The following CNTN6 variants were observed in gnomAD, a reference collection of about 807,000 sequenced individuals.
CNTN6 encodes contactin 6.
A neutral mutation model predicts 122.8 loss-of-function variants in CNTN6; 137 were observed. That is an observed-to-expected ratio of 1.12 (90% confidence interval 0.97 to 1.29). The LOEUF (loss-of-function observed/expected upper bound fraction) is 1.29, where lower values mean the gene tolerates loss of function less well. Ranked by LOEUF, CNTN6 falls within the 50% of genes most tolerant of loss-of-function variation. The probability of loss-of-function intolerance (pLI) is 0.00; values close to 1 mark genes in which losing one functional copy is unlikely to be tolerated. For missense variants in CNTN6, 1,634 were observed against 1,223.4 expected, an observed-to-expected ratio of 1.34 and a Z score of -5.01; for synonymous variants, 570 against 426.0, an observed-to-expected ratio of 1.34 and a Z score of -4.16.
chr3:1,237,598 T>TTAGG (rs1394555726), intron 4 of CNTN6, among the ~76,000 whole-genome samples: 1 of 152,162 alleles, frequency 6.6e-6, no homozygotes, highest in African/African-American at 2.4e-5. Context: ...CATATAGTCA[T>TTAGG]TAGGTTATCT....
At chr3:1,264,712 A>C (rs2125719931) in intron 4 of CNTN6, among the ~76,000 whole-genome samples, 1 of 152,188 alleles carries the variant, frequency 6.6e-6, no homozygotes, top group East Asian at 1.9e-4. Flanking sequence ...TTTTGTGGTA[A>C]AAACATTTAA....
At chr3:1,287,103 C>G (rs925024939) in intron 5 of CNTN6, among the ~76,000 whole-genome samples, 3 of 152,134 alleles carry the variant, frequency 2.0e-5, no homozygotes, top group African/African-American at 7.2e-5. Flanking sequence ...GAAACTTAGA[C>G]TCCCACACAA....
At chr3:1,392,329 G>T (rs1433046079) in intron 20 of CNTN6, among the ~76,000 whole-genome samples, 3 of 152,120 alleles carry the variant, frequency 2.0e-5, no homozygotes, top group Admixed American at 1.3e-4. Flanking sequence ...TTAATAAATG[G>T]TGCTGGGAAA....
chr3:1,327,880 A>G (rs1419756239), intron 10 of CNTN6, among the ~76,000 whole-genome samples: 1 of 151,814 alleles, frequency 6.6e-6, no homozygotes, highest in Non-Finnish European at 1.5e-5. Context: ...TATCTTTAGG[A>G]ATATTTTCAG....
At chr3:1,101,682 A>T (rs759391877) in intron 1 of CNTN6, among the ~76,000 whole-genome samples, 30 of 152,336 alleles carry the variant, frequency 2.0e-4, no homozygotes, top group Non-Finnish European at 2.4e-4. Context: ...GTTAATGTCA[A>T]TTGTATATGT....
At chr3:1,094,002 G>C (rs1031369098) in intron 1 of CNTN6, among the ~76,000 whole-genome samples, 2 of 152,258 alleles carry the variant, frequency 1.3e-5, no homozygotes, top group African/African-American at 4.8e-5. Context: ...CTAAATAGAA[G>C]TTATACTGAG....
chr3:1,144,223 A>G (rs1297959642), intron 1 of CNTN6, among the ~76,000 whole-genome samples: 2 of 152,280 alleles, frequency 1.3e-5, no homozygotes, highest in Admixed American at 6.5e-5. Context: ...CTTAAGAGAA[A>G]TACATTGAGT....
chr3:1,314,390 C>T (rs951950315), intron 7 of CNTN6, among the ~76,000 whole-genome samples: 2 of 152,060 alleles, frequency 1.3e-5, no homozygotes, highest in African/African-American at 4.8e-5. Flanking sequence ...CAAATACAAG[C>T]ATCTTAAGAA....
chr3:1,314,308 C>T (rs991838012), intron 7 of CNTN6, among the ~76,000 whole-genome samples: 2 of 152,030 alleles, frequency 1.3e-5, no homozygotes, highest in Non-Finnish European at 2.9e-5. Flanking sequence ...TTTTGTTATT[C>T]TGCTTCACTC....
chr3:1,301,178 A>G (rs1190808673), intron 7 of CNTN6, among the ~76,000 whole-genome samples: 1 of 151,866 alleles, frequency 6.6e-6, no homozygotes, highest in Admixed American at 6.6e-5. Context: ...CTGGAATTAC[A>G]GGCACCTGCC....
chr3:1,311,535 C>T (rs2619495), intron 7 of CNTN6, among the ~76,000 whole-genome samples: 9,947 of 88,632 alleles, frequency 0.11, 3,551 homozygotes, highest in African/African-American at 0.63. Context: ...CATATATGTA[C>T]ATATAAATGT....
chr3:1,388,914 GA>G (rs1368879457), intron 20 of CNTN6, among the ~76,000 whole-genome samples: 1 of 138,196 alleles, frequency 7.2e-6, no homozygotes, highest in Non-Finnish European at 1.6e-5. Flanking sequence ...GGGACTATGT[GA>G]AAAGACCAAA....
intron 1 of CNTN6, among the ~76,000 whole-genome samples, chr3:1,120,387 A>G (rs1559349644): frequency 6.6e-6 from 1 of 151,830 alleles, no homozygotes; most frequent in Non-Finnish European, 1.5e-5. Context: ...TTTTAGTTTT[A>G]GTCATTATTC....
chr3:1,211,957 T>C (rs1007652025), intron 2 of CNTN6, among the ~76,000 whole-genome samples: 1 of 152,116 alleles, frequency 6.6e-6, no homozygotes, highest in Non-Finnish European at 1.5e-5. Flanking sequence ...CTCCATGAAA[T>C]GGTTCATGGG....
intron 12 of CNTN6, among the ~76,000 whole-genome samples, chr3:1,355,985 T>C (rs543758931): frequency 1.5e-4 from 23 of 151,774 alleles, no homozygotes; most frequent in Non-Finnish European, 2.4e-4. Flanking sequence ...GTGAGTGCAA[T>C]TAGCAGCAGC....
rs536591462 is a variant in CNTN6 at position 1,249,164 on chromosome 3, A to G, written c.358+21171A>G. ...AAAGACAATCAAATAGCATTACCAT[A>G]GGGGTCAACACAAGGTGATAGAAGG... is the stretch of plus-strand genomic sequence containing the variant. On this transcript the variant is annotated intron_variant, in intron 4 of 22. Transcript: ENST00000446702. Among the ~76,000 whole-genome samples the G allele has an allele frequency of 4.6e-5, 7 of 152,314 alleles. No homozygotes were observed. In the South Asian group the frequency reaches 1.2e-3, roughly 27 times the overall value.
intron 1 of CNTN6, among the ~76,000 whole-genome samples, chr3:1,118,998 A>G (rs1385004867): frequency 6.6e-6 from 1 of 152,172 alleles, no homozygotes; most frequent in Non-Finnish European, 1.5e-5. Flanking sequence ...GGGACCATAC[A>G]TAAAGGGCTA....
chr3:1,374,198 G>A, intron 16 of CNTN6, 125 bp downstream of exon 16: 1 of 892,930 alleles, frequency 1.1e-6, no homozygotes, highest in Non-Finnish European at 1.6e-6. Context: ...TAAACGAGTG[G>A]CTCTCATTTT....
At chr3:1,238,028 A>C (rs1559573349) in intron 4 of CNTN6, among the ~76,000 whole-genome samples, 1 of 152,072 alleles carries the variant, frequency 6.6e-6, no homozygotes. Flanking sequence ...CAAAACAAAA[A>C]AAAACCACAA....
Sources: allele counts gnomAD v4.1 joint callset (sites outside exome capture counted in the v4.1 genomes callset), GRCh38; gene constraint gnomAD v4.1.1; transcripts MANE v1.5; gene names NCBI Gene and HGNC (gene_info 2026-07-23, HGNC 2026-07-21).